The following KITLG variants were observed in gnomAD, a reference collection of about 807,000 sequenced individuals.
The protein encoded by KITLG is c-Kit ligand.
In KITLG, 13 loss-of-function variants were observed where a neutral mutation model predicts 34.1. The observed-to-expected ratio is 0.38, with a 90% CI of 0.25 to 0.61. The LOEUF is 0.61. Among genes scored for constraint, KITLG ranks in the 20% least tolerant of loss-of-function variants. KITLG has a pLI of 0.60. For synonymous variants in KITLG, 110 were observed against 104.0 expected, an observed-to-expected ratio of 1.06 and a Z score of -0.35; for missense variants, 292 against 318.9, an observed-to-expected ratio of 0.92 and a Z score of 0.64.
In KITLG at chr12:88,494,081, A is replaced by G. The variant is rs934819167; in HGVS notation, c.*3138T>C. The G allele has an allele frequency of 2.0e-5, 3 of 151,824 alleles. No homozygotes were observed. The highest frequency in any genetic ancestry group is 4.4e-5 in the Non-Finnish European group (3 of 67,830). 9.4% of individuals were successfully genotyped at this position (151,824 alleles called of 1,614,324 possible). A position where few individuals can be genotyped will look rare whatever the true frequency, so the allele number is the denominator to read the frequency against. On this transcript the variant is annotated 3_prime_UTR_variant, in exon 10 of 10. Transcript: ENST00000644744. ...CAATAGGACTCACCCCTAAGGAGTG[A>G]TCTCTGAGTTTACCATATAGATAAA...
chr12:88,540,077 C>T (rs1229167503), intron 2 of KITLG, among the ~76,000 whole-genome samples: 1 of 151,922 alleles, frequency 6.6e-6, no homozygotes, highest in Non-Finnish European at 1.5e-5. Context: ...ATGATGATGA[C>T]ATACCTTATG....
intron 3 of KITLG, among the ~76,000 whole-genome samples, chr12:88,527,189 C>T (rs916531288): frequency 2.0e-5 from 3 of 152,062 alleles, no homozygotes; most frequent in Admixed American, 1.3e-4. Flanking sequence ...GTCTTGGAGG[C>T]CTTGTTGAAG....
chr12:88,518,602 A>G, intron 4 of KITLG, 95 bp downstream of exon 4: 1 of 932,462 alleles, frequency 1.1e-6, no homozygotes, highest in Non-Finnish European at 1.7e-6. Context: ...TCAAAATATC[A>G]TAAATAAAGG....
At chr12:88,515,932 A>C (rs1869439493) in intron 5 of KITLG, among the ~76,000 whole-genome samples, 1 of 151,884 alleles carries the variant, frequency 6.6e-6, no homozygotes, top group African/African-American at 2.4e-5. Context: ...AGTGAAGGGA[A>C]AAAAGAGTCT....
chr12:88,517,995 TG>T (rs1057246826), intron 4 of KITLG, among the ~76,000 whole-genome samples: 1 of 152,160 alleles, frequency 6.6e-6, no homozygotes, highest in African/African-American at 2.4e-5. Context: ...CACAGTGTGA[TG>T]AAAAAACATC....
intron 8 of KITLG, among the ~76,000 whole-genome samples, chr12:88,505,859 G>C (rs1417040460): frequency 2.0e-5 from 3 of 152,192 alleles, no homozygotes; most frequent in African/African-American, 7.2e-5. Context: ...GAAAAGATCA[G>C]TGGCAGCAAC....
At chr12:88,530,809 T>A (rs917025868) in intron 3 of KITLG, among the ~76,000 whole-genome samples, 2 of 152,184 alleles carry the variant, frequency 1.3e-5, no homozygotes, top group Admixed American at 1.3e-4. Flanking sequence ...CATGCTAAAA[T>A]GCTTACTAAT....
intron 1 of KITLG, among the ~76,000 whole-genome samples, chr12:88,573,135 G>A (rs947055907): frequency 6.6e-6 from 1 of 152,132 alleles, no homozygotes; most frequent in African/African-American, 2.4e-5. Flanking sequence ...GATCACATTA[G>A]AAACAATTTT....
At chr12:88,513,822 T>C (rs1869364362) in intron 6 of KITLG, among the ~76,000 whole-genome samples, 1 of 151,646 alleles carries the variant, frequency 6.6e-6, no homozygotes, top group Admixed American at 6.6e-5. Flanking sequence ...CAAAAGTTAA[T>C]ATTTTCAATT....
At chr12:88,531,461 T>C (rs562508639) in intron 3 of KITLG, among the ~76,000 whole-genome samples, 2 of 152,352 alleles carry the variant, frequency 1.3e-5, no homozygotes, top group South Asian at 4.1e-4. Context: ...AGCTCTGTGA[T>C]AGGTATACAG....
chr12:88,539,230 A>G (rs1002670598), intron 2 of KITLG, among the ~76,000 whole-genome samples: 3 of 152,110 alleles, frequency 2.0e-5, no homozygotes, highest in Non-Finnish European at 4.4e-5. Flanking sequence ...CATCTTTGCA[A>G]GACCCTTACT....
In KITLG at chr12:88,546,152, T is replaced by A. The variant is rs60641911; in HGVS notation, c.16-287A>T. ...AATTAGGAATAAACTTGTAGCAGCATGTTAAAGACTTAGCCCTTAGGGTAT... is the reference window on the plus strand; with the variant it reads ...AATTAGGAATAAACTTGTAGCAGCAAGTTAAAGACTTAGCCCTTAGGGTAT... On this transcript the variant is annotated intron_variant, in intron 1 of 9. Coordinates refer to ENST00000644744, the MANE Select transcript of KITLG (RefSeq NM_000899.5). The A allele has an allele frequency of 1.4e-3, 639 of 472,034 alleles. 4 individuals carry two copies. The highest frequency in any genetic ancestry group is 8.4e-3 in the African/African-American group (429 of 50,792). The allele number at this position is 472,034 out of a possible 1,614,324, so 29.2% of individuals were successfully genotyped here.
At chr12:88,511,488 G>A (rs1869276998) in intron 6 of KITLG, among the ~76,000 whole-genome samples, 1 of 152,130 alleles carries the variant, frequency 6.6e-6, no homozygotes, top group South Asian at 2.1e-4. Context: ...GTCAGAGATT[G>A]AAGTTCAGGG....
chr12:88,503,480 A>G (rs1235984405), intron 9 of KITLG, among the ~76,000 whole-genome samples: 1 of 152,210 alleles, frequency 6.6e-6, no homozygotes, highest in African/African-American at 2.4e-5. Context: ...GAGGAATTTG[A>G]AAGAGGAGAG....
At chr12:88,560,687 T>C (rs375289055) in intron 1 of KITLG, among the ~76,000 whole-genome samples, 26 of 152,268 alleles carry the variant, frequency 1.7e-4, no homozygotes, top group African/African-American at 6.3e-4. Context: ...AACAGTGTGT[T>C]GGCTGGGCGC....
chr12:88,572,982 T>C (rs1871705889), intron 1 of KITLG, among the ~76,000 whole-genome samples: 1 of 152,134 alleles, frequency 6.6e-6, no homozygotes, highest in Non-Finnish European at 1.5e-5. Context: ...ACTAAAGCAA[T>C]CACAGAGCTT....
intron 3 of KITLG, among the ~76,000 whole-genome samples, chr12:88,528,130 T>C (rs1400422978): frequency 6.6e-6 from 1 of 152,204 alleles, no homozygotes; most frequent in Non-Finnish European, 1.5e-5. Flanking sequence ...TTGGATGCTG[T>C]AAAGGAAAAA....
At chr12:88,518,050 C>G (rs1869516148) in intron 4 of KITLG, among the ~76,000 whole-genome samples, 1 of 152,084 alleles carries the variant, frequency 6.6e-6, no homozygotes, top group African/African-American at 2.4e-5. Flanking sequence ...TGTTAAAGTA[C>G]TCATGGCAAA....
intron 1 of KITLG, among the ~76,000 whole-genome samples, chr12:88,568,562 A>C (rs73439055): frequency 0.014 from 2,143 of 152,240 alleles, 57 homozygotes; most frequent in African/African-American, 0.049. Flanking sequence ...GGAAATAAAT[A>C]TCATGTTGTA....
Sources: gnomAD v4.1 joint callset for allele counts (sites outside exome capture counted in the v4.1 genomes callset) on GRCh38, gnomAD v4.1.1 for gene constraint, MANE v1.5 for transcripts, NCBI Gene and HGNC (gene_info 2026-07-23, HGNC 2026-07-21) for gene names.